Variants in EHMT2 observed in about 807,000 individuals in gnomAD.
The protein encoded by EHMT2 is euchromatic histone lysine methyltransferase 2.
Under a neutral mutation model 143.3 loss-of-function variants are expected in EHMT2, and 59 were observed. That is an observed-to-expected ratio of 0.41 (90% CI 0.33 to 0.51). EHMT2 has a LOEUF of 0.51. Ranked by LOEUF, EHMT2 falls within the 20% of genes least tolerant of loss-of-function variation. The probability of loss-of-function intolerance (pLI) is 0.18; values close to 1 mark genes in which losing one functional copy is unlikely to be tolerated. For missense variants in EHMT2, 1,174 were observed against 1,645.9 expected (o/e 0.71, Z 4.96); for synonymous variants, 604 against 651.5 (o/e 0.93, Z 1.11).
chr6:31,896,626 C>A lies in EHMT2; in HGVS notation c.308G>T (p.Arg103Leu), dbSNP rs773882389. The A allele has an allele frequency of 8.8e-6, 14 of 1,585,184 alleles. No homozygotes were observed. The highest frequency in any genetic ancestry group is 3.5e-5 in the Admixed American group (2 of 57,288). ...CTCACCCAGCAGGATCCGGCCCCCACGGAGGTCCCCATCTCCCTCAAGATT... is the reference window on the plus strand; with the variant it reads ...CTCACCCAGCAGGATCCGGCCCCCAAGGAGGTCCCCATCTCCCTCAAGATT... Residue 103 changes from arginine to leucine, a missense_variant, in exon 3 of 28, where the codon CGT becomes CTT. Arg to Leu is a moderately radical substitution (Grantham distance 102, BLOSUM62 -2). This residue lies in a region of EHMT2 where 399 missense variants were observed against 404.4 expected (regional missense o/e 0.99). Coordinates refer to ENST00000375537, the Ensembl canonical transcript of EHMT2.
chr6:31,897,280 G>T, intron 1 of EHMT2: 2 of 751,552 alleles, frequency 2.7e-6, no homozygotes, highest in Non-Finnish European at 3.5e-6. Context: ...CCGGCTGCAC[G>T]CGCCGCTCCC....
At chr6:31,882,427 G>A (rs1764222687) in intron 25 of EHMT2, among the ~76,000 whole-genome samples, 1 of 152,114 alleles carries the variant, frequency 6.6e-6, no homozygotes, top group Non-Finnish European at 1.5e-5. Context: ...AGGGGGTGGA[G>A]GGGAAGGTAG....
chr6:31,889,189 G>A lies in EHMT2; in HGVS notation c.1114+39C>T. 1 of 1,571,808 alleles carries A rather than the reference G, an allele frequency of 6.4e-7. No homozygotes were observed. Among genetic ancestry groups the A allele is most frequent in the African/African-American group, 1.4e-5 (1 of 73,892 alleles). ...TGCACACACTCTGGGGGGCCGGGCGGGGGCTGGAGGGCACCCAAAAGCAGC... is the reference window on the plus strand; with the variant it reads ...TGCACACACTCTGGGGGGCCGGGCGAGGGCTGGAGGGCACCCAAAAGCAGC... On this transcript the variant is annotated intron_variant, in intron 9 of 27. Transcript: ENST00000375537. The surrounding 1 kb of genome is among the most constrained non-coding windows in gnomAD (Gnocchi z 5.1).
intron 7 of EHMT2, among the ~76,000 whole-genome samples, chr6:31,891,281 C>A (rs1765650102): frequency 6.6e-6 from 1 of 152,164 alleles, no homozygotes; most frequent in African/African-American, 2.4e-5. Flanking sequence ...AAGGTGTGGG[C>A]CTCATTTGGA....
intron 2 of EHMT2, 24 bp downstream of exon 2, chr6:31,896,899 G>A: frequency 6.2e-7 from 1 of 1,610,810 alleles, no homozygotes; most frequent in Non-Finnish European, 8.5e-7. Flanking sequence ...CGGTCCAATT[G>A]GGGCCCGTTT....
At chr6:31,887,554 C>T (rs750743131) in intron 15 of EHMT2, 23 bp downstream of exon 15, 2 of 1,611,178 alleles carry the variant, frequency 1.2e-6, no homozygotes, top group South Asian at 1.1e-5. Flanking sequence ...TCAAGGTCTG[C>T]TGAAGGAATG....
At position 31,888,138 on chromosome 6, in the gene EHMT2, G is replaced by A. The variant is rs570109888; in HGVS notation, c.1648C>T (p.Arg550Trp). Reference sequence around the variant, plus strand: ...GCCGGTGGGGTCACCCCGTCACCCCGGGGGATGGTCACCTCTTGAGCTTCA... The same window carrying A: ...GCCGGTGGGGTCACCCCGTCACCCCAGGGGATGGTCACCTCTTGAGCTTCA... Residue 550 changes from arginine to tryptophan, a missense_variant, in exon 13 of 28, where the codon CGG becomes TGG. Around this residue, in one of 6 missense-constraint regions of EHMT2, gnomAD observed 608 missense variants for 903.7 expected, o/e 0.67. Coordinates refer to ENST00000375537, the Ensembl canonical transcript of EHMT2. The surrounding 1 kb of genome is among the most constrained non-coding windows in gnomAD (Gnocchi z 7.4). The A allele has an allele frequency of 1.5e-5, 24 of 1,612,438 alleles. No homozygotes were observed. The highest frequency in any genetic ancestry group is 1.7e-4 in the Middle Eastern group (1 of 6,058).
In EHMT2 at chr6:31,886,700, A is replaced by G. The variant is rs772377692; in HGVS notation, c.2242-18T>C. 6 of 1,613,930 alleles carry G rather than the reference A, an allele frequency of 3.7e-6. No homozygotes were observed. The highest frequency in any genetic ancestry group is 5.1e-6 in the Non-Finnish European group (6 of 1,179,962). Reference sequence around the variant, plus strand: ...TCCTCCTCCTGAGGGAGACACGGGCAAATGAGCCTTTGGGCTGGCACCCCA... The same window carrying G: ...TCCTCCTCCTGAGGGAGACACGGGCGAATGAGCCTTTGGGCTGGCACCCCA... On this transcript the variant is annotated intron_variant, in intron 17 of 27. Coordinates refer to ENST00000375537, the Ensembl canonical transcript of EHMT2.
chr6:31,891,796 T>C (rs1441173961), intron 7 of EHMT2, among the ~76,000 whole-genome samples: 1 of 152,236 alleles, frequency 6.6e-6, no homozygotes, highest in Non-Finnish European at 1.5e-5. Context: ...AAAAAAGTGC[T>C]TTCTGGTCAT....
At chr6:31,886,547 G>A in intron 18 of EHMT2, 34 bp downstream of exon 18, 1 of 1,585,410 alleles carries the variant, frequency 6.3e-7, no homozygotes, top group Non-Finnish European at 8.6e-7. Flanking sequence ...AGGCACCAGG[G>A]ACCCAGAGGG....
At position 31,890,964 on chromosome 6, in the gene EHMT2, C is replaced by T. The variant is rs540438598; in HGVS notation, c.865-1362G>A. Among the ~76,000 whole-genome samples, 269 of 150,108 alleles carry T rather than the reference C, an allele frequency of 1.8e-3. 2 individuals are homozygous for T. Among genetic ancestry groups the T allele is most frequent in the Middle Eastern group, 6.8e-3 (2 of 292 alleles). On this transcript the variant is annotated intron_variant, in intron 7 of 27. Coordinates refer to ENST00000375537, the Ensembl canonical transcript of EHMT2. ...AAAAAAAATTTTTTTTTTTTTGAGACGGAGTTTCGCTCTTGTTGCCGAGGC... is the reference window on the plus strand; with the variant it reads ...AAAAAAAATTTTTTTTTTTTTGAGATGGAGTTTCGCTCTTGTTGCCGAGGC...
At position 31,892,920 on chromosome 6, in the gene EHMT2, G is replaced by A. The variant is rs747369244; in HGVS notation, c.583-10C>T. ...TCTCAGGGACCGGGGGCTGTGGGCC[G>A]AGAGGGAGCACACTGAGGGTCAGAG... On this transcript the variant is annotated splice_polypyrimidine_tract_variant and intron_variant, in intron 4 of 27. Coordinates refer to ENST00000375537, the Ensembl canonical transcript of EHMT2. 1.9e-5 allele frequency: 29 copies of A among 1,552,640 alleles called. No homozygotes were observed. The highest frequency in any genetic ancestry group is 1.7e-4 in the Middle Eastern group (1 of 5,790).
rs1764031573 is a variant in EHMT2 at position 31,880,933 on chromosome 6, A to C, written c.3276+81T>G. The C allele has an allele frequency of 6.2e-7, 1 of 1,608,232 alleles. No homozygotes were observed. Among genetic ancestry groups the C allele is most frequent in the Non-Finnish European group, 8.5e-7 (1 of 1,176,312 alleles). ...ACTGACTCCCCAGTCCCTCCTCCCCAGGTTTCCATTTGCTGACTTCCCAGA... is the reference window on the plus strand; with the variant it reads ...ACTGACTCCCCAGTCCCTCCTCCCCCGGTTTCCATTTGCTGACTTCCCAGA... On this transcript the variant is annotated intron_variant, in intron 26 of 27. Coordinates refer to ENST00000375537, the Ensembl canonical transcript of EHMT2. This position sits in a 1 kb window ranked among gnomAD's most constrained non-coding sequence, Gnocchi z 6.6.
chr6:31,897,587 C>A, intron 1 of EHMT2, 49 bp downstream of exon 1: 1 of 1,123,150 alleles, frequency 8.9e-7, no homozygotes. Context: ...GCGCTTCCCC[C>A]GGGCGCGCGC....
chr6:31,880,402 A>G lies in EHMT2; in HGVS notation c.3453-138T>C, dbSNP rs1763950475. 2.0e-6 allele frequency: 2 copies of G among 1,023,250 alleles called. No individual in the cohort carries two copies. The highest frequency in any genetic ancestry group is 1.6e-5 in the African/African-American group (1 of 61,790). The allele number at this position is 1,023,250 out of a possible 1,614,324, so 63.4% of individuals were successfully genotyped here. ...TCCAGATGGGATCTGAGCCCCTTGT[A>G]TGTTCTATGGACTTTCAGCATCAGC... On this transcript the variant is annotated intron_variant, in intron 27 of 27. Transcript: ENST00000375537. This position sits in a 1 kb window ranked among gnomAD's most constrained non-coding sequence, Gnocchi z 6.6.
chr6:31,896,323 T>G (rs990273325), exon 4 of EHMT2: 9 of 1,612,906 alleles, frequency 5.6e-6, no homozygotes, highest in Non-Finnish European at 7.6e-6. Context: ...GCTGTCCCTC[T>G]GGGCTCGTGG....
chr6:31,882,529 G>GCTGA (rs1327000882), intron 25 of EHMT2, 170 bp downstream of exon 25: 1 of 688,788 alleles, frequency 1.5e-6, no homozygotes, highest in African/African-American at 1.8e-5. Flanking sequence ...GGGGGTCAGA[G>GCTGA]GCGGCTGGCT....
At chr6:31,892,732 G>A in exon 6 of EHMT2, 1 of 1,613,162 alleles carries the variant, frequency 6.2e-7, no homozygotes, top group Non-Finnish European at 8.5e-7. Context: ...CTTTTGGCCA[G>A]ATCTGGAAGA....
At position 31,880,035 on chromosome 6, in the gene EHMT2, C is replaced by T. The variant is rs751552000; in HGVS notation, c.*49G>A. 1 of 1,583,588 alleles carries T rather than the reference C, an allele frequency of 6.3e-7. No individual in the cohort carries two copies. The highest frequency in any genetic ancestry group is 8.6e-7 in the Non-Finnish European group (1 of 1,161,228). On this transcript the variant is annotated 3_prime_UTR_variant, in exon 28 of 28. Transcript: ENST00000375537. This position sits in a 1 kb window ranked among gnomAD's most constrained non-coding sequence, Gnocchi z 6.6. Reference sequence around the variant, plus strand: ...TGCGAGCAGCTGGTGGCAGAGGAGGCGGCTGAGCTGTGGCCATCCATGCTG... The same window carrying T: ...TGCGAGCAGCTGGTGGCAGAGGAGGTGGCTGAGCTGTGGCCATCCATGCTG...
Sources: gnomAD v4.1 joint callset for allele counts (sites outside exome capture counted in the v4.1 genomes callset) on GRCh38, gnomAD v4.1.1 for gene constraint, gnomAD v4.1.1 regional missense constraint, Gnocchi (gnomAD v3.1) non-coding constraint, MANE v1.5 for transcripts, NCBI Gene and HGNC (gene_info 2026-07-23, HGNC 2026-07-21) for gene names.